NRG3: variants seen among roughly 807,000 people sequenced by gnomAD.
The protein encoded by NRG3 is neuregulin 3.
NRG3 carries 31 observed loss-of-function variants against 66.9 expected under a neutral mutation model. The ratio of observed to expected loss-of-function variants is 0.46; its 90% CI spans 0.35 to 0.63. The LOEUF (loss-of-function observed/expected upper bound fraction) is 0.63, where lower values mean the gene tolerates loss of function less well. NRG3 is among the 20% of genes least tolerant of loss of function. The pLI, the probability that NRG3 is intolerant of heterozygous loss-of-function variation, is 0.00. For missense variants in NRG3, 910 were observed against 878.9 expected (o/e 1.04, Z -0.45); for synonymous variants, 393 against 359.4 (o/e 1.09, Z -1.06).
chr10:82,752,890 C>T (rs539783413), intron 3 of NRG3, among the ~76,000 whole-genome samples: 35 of 152,226 alleles, frequency 2.3e-4, no homozygotes, highest in African/African-American at 8.4e-4. Flanking sequence ...TATAAACGAC[C>T]CAGTTTATGG....
intron 1 of NRG3, among the ~76,000 whole-genome samples, chr10:82,073,931 G>A (rs1050158099): frequency 2.0e-5 from 3 of 152,104 alleles, no homozygotes; most frequent in Non-Finnish European, 2.9e-5. Context: ...AAATTAAACC[G>A]AATTCCTGTA....
At chr10:82,100,307 G>C (rs1322092881) in intron 1 of NRG3, among the ~76,000 whole-genome samples, 3 of 151,860 alleles carry the variant, frequency 2.0e-5, no homozygotes, top group African/African-American at 7.3e-5. Context: ...TGTAGACAAT[G>C]GTGTCTTCTA....
At chr10:82,162,703 G>T (rs527947074) in intron 1 of NRG3, among the ~76,000 whole-genome samples, 270 of 152,248 alleles carry the variant, frequency 1.8e-3, no homozygotes, top group African/African-American at 6.0e-3. Context: ...ACCCAAGACA[G>T]CAACGGAGAT....
intron 1 of NRG3, among the ~76,000 whole-genome samples, chr10:82,150,211 T>C (rs1216629160): frequency 6.6e-6 from 1 of 152,168 alleles, no homozygotes; most frequent in Non-Finnish European, 1.5e-5. Flanking sequence ...CTGCCAGCTC[T>C]CTGCACATAT....
intron 1 of NRG3, among the ~76,000 whole-genome samples, chr10:82,315,648 A>G (rs2081252502): frequency 6.6e-6 from 1 of 151,318 alleles, no homozygotes; most frequent in African/African-American, 2.4e-5. Flanking sequence ...CAAAGACAAC[A>G]GAATCATATA....
chr10:82,744,334 T>C (rs985822120), intron 3 of NRG3, among the ~76,000 whole-genome samples: 1 of 152,196 alleles, frequency 6.6e-6, no homozygotes, highest in Admixed American at 6.5e-5. Context: ...CTATTGTGAA[T>C]GCTAGGAAGT....
intron 2 of NRG3, among the ~76,000 whole-genome samples, chr10:82,382,707 A>C (rs2085702723): frequency 6.6e-6 from 1 of 152,040 alleles, no homozygotes; most frequent in African/African-American, 2.4e-5. Context: ...ATTGTATATA[A>C]GACTGTAAAG....
chr10:82,052,004 A>G (rs1294544479), intron 1 of NRG3, among the ~76,000 whole-genome samples: 2 of 149,016 alleles, frequency 1.3e-5, no homozygotes, highest in African/African-American at 2.5e-5. Flanking sequence ...ATGTTGGACT[A>G]TTGCTGGGAG....
chr10:82,076,787 G>A (rs10736176), intron 1 of NRG3, among the ~76,000 whole-genome samples: 126,494 of 152,178 alleles, frequency 0.83, 52,685 homozygotes, highest in East Asian at 0.9. Context: ...CGCTGACACT[G>A]TGCTTCTCAT....
rs181970264 is a variant in NRG3, at chr10:82,984,711, T to C, written c.1584-387T>C. ...AGTTGATGGAGTGGACTAATGCCAT[T>C]ATGGGTGTCCTGTTTGTCACAATGG... On this transcript the variant is annotated intron_variant, in intron 8 of 8. Coordinates refer to ENST00000372141, the MANE Select transcript of NRG3 (RefSeq NM_001010848.4). The C allele has an allele frequency of 9.8e-5, 146 of 1,484,094 alleles. No individual in the cohort carries two copies. The African/African-American group carries it at 1.8e-3, about 18-fold the overall frequency. 91.9% of individuals were successfully genotyped at this position (1,484,094 alleles called of 1,614,324 possible).
At chr10:82,544,669 C>T (rs2043770201) in intron 2 of NRG3, among the ~76,000 whole-genome samples, 1 of 152,118 alleles carries the variant, frequency 6.6e-6, no homozygotes, top group Admixed American at 6.6e-5. Flanking sequence ...CATCCATTGC[C>T]TTCCTAGATG....
At chr10:82,500,589 T>G (rs1023217903) in intron 2 of NRG3, among the ~76,000 whole-genome samples, 2 of 152,220 alleles carry the variant, frequency 1.3e-5, no homozygotes, top group African/African-American at 2.4e-5. Flanking sequence ...GCATCTGATC[T>G]GCTAAAATCC....
chr10:82,579,924 A>T (rs1444390131), intron 2 of NRG3, among the ~76,000 whole-genome samples: 1 of 151,984 alleles, frequency 6.6e-6, no homozygotes, highest in Admixed American at 6.6e-5. Context: ...GAATATCAAT[A>T]CAGTCACTCC....
At chr10:82,059,110 G>A (rs776892610) in intron 1 of NRG3, among the ~76,000 whole-genome samples, 28 of 151,780 alleles carry the variant, frequency 1.8e-4, no homozygotes, top group African/African-American at 9.7e-5. Context: ...GAATGAAGCC[G>A]GACAGGAACA....
intron 2 of NRG3, among the ~76,000 whole-genome samples, chr10:82,622,367 T>C (rs1008238086): frequency 6.6e-6 from 1 of 152,066 alleles, no homozygotes; most frequent in Non-Finnish European, 1.5e-5. Flanking sequence ...GACGCAAAGA[T>C]AATATATCAA....
At chr10:82,556,710 GT>G (rs2044676300) in intron 2 of NRG3, among the ~76,000 whole-genome samples, 1 of 152,070 alleles carries the variant, frequency 6.6e-6, no homozygotes, top group African/African-American at 2.4e-5. Flanking sequence ...CTGTCATAGG[GT>G]TCTGTTGTAG....
chr10:82,705,805 A>T (rs1198196578), intron 2 of NRG3, among the ~76,000 whole-genome samples: 1 of 152,218 alleles, frequency 6.6e-6, no homozygotes, highest in Non-Finnish European at 1.5e-5. Flanking sequence ...CATTTGCCTG[A>T]CAGGGTCTGA....
chr10:82,378,661 C>G (rs970408187), intron 2 of NRG3, among the ~76,000 whole-genome samples: 11 of 152,084 alleles, frequency 7.2e-5, no homozygotes, highest in African/African-American at 2.7e-4. Context: ...ACCTCCACCT[C>G]CTGGGTTCAA....
At chr10:81,960,132 C>T (rs7100526) in intron 1 of NRG3, among the ~76,000 whole-genome samples, 40,476 of 151,924 alleles carry the variant, frequency 0.27, 7,719 homozygotes, top group African/African-American at 0.54. Context: ...GTTCTATTCA[C>T]AATCCTTCTT....
Sources: allele counts gnomAD v4.1 joint callset (sites outside exome capture counted in the v4.1 genomes callset), GRCh38; gene constraint gnomAD v4.1.1; transcripts MANE v1.5; gene names NCBI Gene and HGNC (gene_info 2026-07-23, HGNC 2026-07-21).